Variants in NDUFA7 observed in about 807,000 individuals in gnomAD.
NDUFA7 encodes NADH dehydrogenase [ubiquinone] 1 alpha subcomplex subunit 7.
In NDUFA7, 18 loss-of-function variants were observed where a neutral mutation model predicts 14.2. That is an observed-to-expected ratio of 1.27 (90% CI 0.88 to 1.88). NDUFA7 has a LOEUF of 1.88. NDUFA7 is among the 40% of genes most tolerant of loss of function. The pLI, the probability that NDUFA7 is intolerant of heterozygous loss-of-function variation, is 0.00. For missense variants in NDUFA7, 172 were observed against 147.3 expected (o/e 1.17, Z -0.87); for synonymous variants, 75 against 62.1 (o/e 1.21, Z -0.98).
chr19:8,320,769 C>T (rs1970293870), intron 2 of NDUFA7, 88 bp downstream of exon 2: 1 of 1,504,544 alleles, frequency 6.6e-7, no homozygotes. Context: ...GTCAGCCCTC[C>T]GTTTCAGGGG....
chr19:8,319,385 C>G (rs1182909984), intron 2 of NDUFA7: 1 of 151,898 alleles, frequency 6.6e-6, no homozygotes, highest in African/African-American at 2.4e-5. Flanking sequence ...ATGGTGAAAC[C>G]CCGTTTCTAC....
At chr19:8,320,800 G>C in intron 2 of NDUFA7, 57 bp downstream of exon 2, 3 of 1,604,008 alleles carry the variant, frequency 1.9e-6, no homozygotes, top group Non-Finnish European at 2.6e-6. Context: ...CACAGATTTC[G>C]TTTTTGGTGG....
At chr19:8,314,385 C>T (rs1018611566) in intron 3 of NDUFA7, among the ~76,000 whole-genome samples, 1 of 144,592 alleles carries the variant, frequency 6.9e-6, no homozygotes, top group African/African-American at 2.9e-5. Context: ...TCTCACAGGA[C>T]CCTTGGAGGG....
In NDUFA7 at chr19:8,321,318, C is replaced by A; in HGVS notation, c.41G>T (p.Trp14Leu). The A allele has an allele frequency of 6.3e-7, 1 of 1,577,538 alleles. No homozygotes were observed. The highest frequency in any genetic ancestry group is 1.2e-5 in the South Asian group (1 of 86,614). Residue 14 changes from tryptophan to leucine, a missense_variant, in exon 1 of 4, where the codon TGG becomes TTG. Trp to Leu is a moderately conservative substitution (Grantham distance 61, BLOSUM62 -2). Coordinates refer to ENST00000301457, the MANE Select transcript of NDUFA7 (RefSeq NM_005001.5). Reference protein sequence around the residue: ...ATRLIQRLRNWASGHDLQGKL... With the variant: ...ATRLIQRLRNLASGHDLQGKL... ...GTCCGCCCCGCGCACCCCGGACGCC[C>A]AGTTCCGCAGCCGCTGGATGAGACG...
Position 8,313,546 on chromosome 19 carries a change from T to G in NDUFA7, c.252-1951A>C, listed in dbSNP as rs543892593. On this transcript the variant is annotated intron_variant, in intron 3 of 3. Coordinates refer to ENST00000301457, the MANE Select transcript of NDUFA7 (RefSeq NM_005001.5). The stretch of plus-strand genomic sequence containing the variant: ...CGCCCAGACCTCACAGAGTTTTAAG[T>G]ACAGAGCAGGCCCTGCCTGACCTCA... Among the ~76,000 whole-genome samples the G allele has an allele frequency of 7.9e-4, 120 of 152,308 alleles. 2 individuals are homozygous for G. The Middle Eastern group carries it at 0.01, about 13-fold the overall frequency.
At chr19:8,321,016 G>C in intron 1 of NDUFA7, 110 bp from the exon 2 acceptor site, 1 of 1,263,042 alleles carries the variant, frequency 7.9e-7, no homozygotes, top group Non-Finnish European at 1.1e-6. Context: ...AGGGAAGGCA[G>C]GGGATGAACA....
intron 2 of NDUFA7, among the ~76,000 whole-genome samples, chr19:8,318,875 G>A (rs146696823): frequency 0.015 from 2,304 of 151,090 alleles, 58 homozygotes; most frequent in African/African-American, 0.054. Context: ...GGAGGCTGAG[G>A]CAGGAGAATC....
chr19:8,316,773 G>T, intron 2 of NDUFA7, 128 bp from the exon 3 acceptor site: 1 of 1,172,392 alleles, frequency 8.5e-7, no homozygotes, highest in Non-Finnish European at 1.2e-6. Context: ...CCACAGGCTG[G>T]GGGTGTCCCT....
chr19:8,320,509 C>A (rs1970289712), intron 2 of NDUFA7, among the ~76,000 whole-genome samples: 1 of 152,136 alleles, frequency 6.6e-6, no homozygotes, highest in East Asian at 1.9e-4. Context: ...GGGTTCAAGT[C>A]CCCGCTGCCA....
At chr19:8,319,104 A>AG (rs1303968827) in intron 2 of NDUFA7, among the ~76,000 whole-genome samples, 1 of 102,508 alleles carries the variant, frequency 9.8e-6, no homozygotes, top group Non-Finnish European at 2.0e-5. Flanking sequence ...AAAGCCAACT[A>AG]GGGGGGTCGG....
chr19:8,310,294 T>A (rs1243837697), downstream of NDUFA7, among the ~76,000 whole-genome samples: 1 of 147,516 alleles, frequency 6.8e-6, no homozygotes, highest in African/African-American at 2.7e-5. Context: ...GCTGGGCTTG[T>A]GGCAGGCGCC....
Position 8,311,383 on chromosome 19 carries a change from A to C in NDUFA7, c.*122T>G. On this transcript the variant is annotated 3_prime_UTR_variant, in exon 4 of 4. Transcript: ENST00000301457. ...GGTGAGACTCTGTCTCTATTTTTTT[A>C]TTTTTTAAAGTAAAACTAGAAGTGA... The C allele has an allele frequency of 2.5e-6, 2 of 787,148 alleles. No homozygotes were observed. The highest frequency in any genetic ancestry group is 4.0e-6 in the Non-Finnish European group (2 of 500,416). 48.8% of individuals were successfully genotyped at this position (787,148 alleles called of 1,614,324 possible).
intron 2 of NDUFA7, 149 bp downstream of exon 2, chr19:8,320,708 T>C (rs921596094): frequency 1.5e-5 from 15 of 990,626 alleles, no homozygotes; most frequent in Admixed American, 4.1e-5. Flanking sequence ...TTCAGCAAGG[T>C]TAAAGGCAAA....
chr19:8,311,687 A>G (rs559323599), intron 3 of NDUFA7, 92 bp from the exon 4 acceptor site: 1 of 1,064,538 alleles, frequency 9.4e-7, no homozygotes, highest in South Asian at 1.5e-5. Flanking sequence ...AAACACACCC[A>G]CAGGGACTTT....
Position 8,311,407 on chromosome 19 carries a change from G to T in NDUFA7, c.*98C>A. ...TATTTTTTAAAGTAAAACTAGAAGT[G>T]ATACCTGAGCTCTACGTATTTGTCA... On this transcript the variant is annotated 3_prime_UTR_variant, in exon 4 of 4. Coordinates refer to ENST00000301457, the MANE Select transcript of NDUFA7 (RefSeq NM_005001.5). 1.1e-6 allele frequency: 1 copy of T among 916,624 alleles called. No homozygotes were observed. The highest frequency in any genetic ancestry group is 1.7e-6 in the Non-Finnish European group (1 of 601,748). The allele number at this position is 916,624 out of a possible 1,614,324, so 56.8% of individuals were successfully genotyped here.
intron 3 of NDUFA7, among the ~76,000 whole-genome samples, chr19:8,316,132 G>C (rs998959349): frequency 7.7e-6 from 1 of 130,482 alleles, no homozygotes; most frequent in Non-Finnish European, 1.6e-5. Flanking sequence ...CTGGGTGACA[G>C]AGTGAGACTC....
At chr19:8,317,424 G>C (rs907268245) in intron 2 of NDUFA7, among the ~76,000 whole-genome samples, 4 of 152,130 alleles carry the variant, frequency 2.6e-5, no homozygotes, top group Non-Finnish European at 5.9e-5. Flanking sequence ...AATTAGCCAA[G>C]CATGGTGGTG....
intron 3 of NDUFA7, among the ~76,000 whole-genome samples, chr19:8,312,913 C>T (rs1386274552): frequency 1.3e-5 from 2 of 152,166 alleles, no homozygotes; most frequent in Non-Finnish European, 2.9e-5. Context: ...GATCCACCCG[C>T]CTCGGCCTCC....
chr19:8,318,414 C>G (rs943631190), intron 2 of NDUFA7, among the ~76,000 whole-genome samples: 6 of 151,862 alleles, frequency 4.0e-5, no homozygotes, highest in Non-Finnish European at 7.4e-5. Context: ...TCCCAAAGTG[C>G]TGGGATTACA....
Sources: gnomAD v4.1 joint callset for allele counts (sites outside exome capture counted in the v4.1 genomes callset) on GRCh38, gnomAD v4.1.1 for gene constraint, MANE v1.5 for transcripts, NCBI Gene and HGNC (gene_info 2026-07-23, HGNC 2026-07-21) for gene names.